TBX15: variants seen among roughly 807,000 people sequenced by gnomAD.
TBX15 encodes the protein T-box transcription factor TBX15.
In TBX15, 18 loss-of-function variants were observed where a neutral mutation model predicts 53.9. The observed-to-expected ratio is 0.33, with a 90% CI of 0.23 to 0.49. TBX15 has a LOEUF of 0.49. Ranked by LOEUF, TBX15 falls within the 20% of genes least tolerant of loss-of-function variation. TBX15 has a pLI of 0.98. For synonymous variants in TBX15, 295 were observed against 278.0 expected (o/e 1.06, Z -0.61); for missense variants, 692 against 749.5 (o/e 0.92, Z 0.90).
chr1:118,890,311 T>C (rs1487783521), intron 7 of TBX15, among the ~76,000 whole-genome samples: 2 of 152,164 alleles, frequency 1.3e-5, no homozygotes, highest in African/African-American at 4.8e-5. Flanking sequence ...CAAAGTGGGA[T>C]TGACAGAACA....
chr1:118,970,131 C>T (rs779103736), intron 1 of TBX15, among the ~76,000 whole-genome samples: 2 of 152,200 alleles, frequency 1.3e-5, no homozygotes, highest in African/African-American at 2.4e-5. Context: ...TGAGGCTTCC[C>T]CAGCCATGCC....
At chr1:118,925,299 C>T (rs72705338) in intron 3 of TBX15, among the ~76,000 whole-genome samples, 5,611 of 152,286 alleles carry the variant, frequency 0.037, 154 homozygotes, top group Middle Eastern at 0.058. Flanking sequence ...CTATAAAATG[C>T]AGCCATGTGC....
chr1:118,891,055 C>A, intron 7 of TBX15: 1 of 537,830 alleles, frequency 1.9e-6, no homozygotes, highest in South Asian at 2.5e-5. Flanking sequence ...ATGAGCACAG[C>A]ACTGTTCATC....
At chr1:118,893,262 GAAAGGAA>G (rs1571149384) in intron 7 of TBX15, among the ~76,000 whole-genome samples, 7 of 129,732 alleles carry the variant, frequency 5.4e-5, no homozygotes, top group East Asian at 4.5e-4. Context: ...AAGGAAGAAA[GAAAGGAA>G]GAAGGAAGGA....
intron 1 of TBX15, among the ~76,000 whole-genome samples, chr1:118,981,641 T>A (rs967132328): frequency 1.8e-4 from 28 of 152,242 alleles, no homozygotes; most frequent in Non-Finnish European, 8.8e-5. Flanking sequence ...TTAGTGGCAC[T>A]GAAGAAATGT....
chr1:118,941,066 G>T (rs780630044), intron 1 of TBX15, among the ~76,000 whole-genome samples: 2 of 152,082 alleles, frequency 1.3e-5, no homozygotes, highest in Non-Finnish European at 2.9e-5. Flanking sequence ...CATTTTTCCT[G>T]GGTGAAGCGA....
At chr1:118,955,492 G>A (rs1656658504) in intron 1 of TBX15, among the ~76,000 whole-genome samples, 1 of 152,066 alleles carries the variant, frequency 6.6e-6, no homozygotes, top group South Asian at 2.1e-4. Flanking sequence ...ATAATTCAGG[G>A]CCCTGCTCCC....
intron 1 of TBX15, among the ~76,000 whole-genome samples, chr1:118,951,141 C>A (rs1656498536): frequency 6.6e-6 from 1 of 152,186 alleles, no homozygotes; most frequent in African/African-American, 2.4e-5. Context: ...TCTTCAATGT[C>A]ATAAAATACC....
At position 118,911,080 on chromosome 1, in the gene TBX15, C is replaced by T. The variant is rs547212908; in HGVS notation, c.926+3035G>A. Among the ~76,000 whole-genome samples the T allele has an allele frequency of 7.2e-5, 11 of 152,282 alleles. No homozygotes were observed. The South Asian group carries it at 2.3e-3, about 32-fold the overall frequency. ...GAAGATAAAATAAGTCAAGTGTAAA[C>T]TGTTAGCATGATAAAGCACAAACCA... On this transcript the variant is annotated intron_variant, in intron 6 of 7. Transcript: ENST00000369429.
At chr1:118,913,553 A>G (rs1655093117) in intron 6 of TBX15, among the ~76,000 whole-genome samples, 1 of 152,214 alleles carries the variant, frequency 6.6e-6, no homozygotes, top group Non-Finnish European at 1.5e-5. Context: ...GAGATTCACT[A>G]TATAATAACC....
chr1:118,945,729 T>C (rs1656328524), intron 1 of TBX15, among the ~76,000 whole-genome samples: 1 of 152,196 alleles, frequency 6.6e-6, no homozygotes, highest in Non-Finnish European at 1.5e-5. Context: ...CTCTCTTTGT[T>C]CTGTAATAAA....
intron 2 of TBX15, 26 bp downstream of exon 2, chr1:118,931,593 G>A (rs1655781654): frequency 6.2e-7 from 1 of 1,610,592 alleles, no homozygotes; most frequent in Non-Finnish European, 8.5e-7. Flanking sequence ...CTTTGAATCT[G>A]GCCACTCAAA....
intron 7 of TBX15, among the ~76,000 whole-genome samples, chr1:118,894,784 C>A (rs1046757199): frequency 6.6e-6 from 1 of 152,024 alleles, no homozygotes; most frequent in Non-Finnish European, 1.5e-5. Context: ...TAAGGAACTT[C>A]GGGGACAAAA....
intron 1 of TBX15, among the ~76,000 whole-genome samples, chr1:118,984,596 G>A (rs1657759393): frequency 6.6e-6 from 1 of 152,230 alleles, no homozygotes; most frequent in Admixed American, 6.5e-5. Context: ...TCTGGGAGAG[G>A]GCGGGGGAGA....
chr1:118,899,741 G>T (rs1186091928), intron 6 of TBX15, among the ~76,000 whole-genome samples: 2 of 152,106 alleles, frequency 1.3e-5, no homozygotes, highest in Non-Finnish European at 2.9e-5. Context: ...AAAAATTATG[G>T]CTCAGGCAAA....
intron 1 of TBX15, among the ~76,000 whole-genome samples, chr1:118,941,815 C>T (rs1311431179): frequency 6.6e-6 from 1 of 152,106 alleles, no homozygotes; most frequent in Non-Finnish European, 1.5e-5. Flanking sequence ...CATGCTGGGG[C>T]TTAGGATCCA....
chr1:118,950,242 T>A (rs974199773), intron 1 of TBX15, among the ~76,000 whole-genome samples: 3 of 152,218 alleles, frequency 2.0e-5, no homozygotes, highest in Admixed American at 6.5e-5. Flanking sequence ...CATATGTGGC[T>A]TCTGGAGGAG....
At chr1:118,989,163 A>C (rs1223670214), upstream of TBX15, among the ~76,000 whole-genome samples, 1 of 152,212 alleles carries the variant, frequency 6.6e-6, no homozygotes, top group Non-Finnish European at 1.5e-5. Context: ...ACAGCTAGGA[A>C]CTTTAACAGA....
In TBX15 at chr1:118,886,178, G is replaced by A. The variant is rs989232122; in HGVS notation, c.1025-662C>T. On this transcript the variant is annotated intron_variant, in intron 7 of 7. Coordinates refer to ENST00000369429, the MANE Select transcript of TBX15 (RefSeq NM_001330677.2). ...ATAAGAGCTAGATTAGAATAAAGCAGGGCTAACCCAAAACAAAATCATTAT... is the reference window on the plus strand; with the variant it reads ...ATAAGAGCTAGATTAGAATAAAGCAAGGCTAACCCAAAACAAAATCATTAT... Among the ~76,000 whole-genome samples the A allele has an allele frequency of 3.9e-5, 6 of 152,142 alleles. No homozygotes were observed. In the East Asian group the frequency reaches 1.2e-3, roughly 29 times the overall value.
Sources: gnomAD v4.1 joint callset for allele counts (sites outside exome capture counted in the v4.1 genomes callset) on GRCh38, gnomAD v4.1.1 for gene constraint, MANE v1.5 for transcripts, NCBI Gene and HGNC (gene_info 2026-07-23, HGNC 2026-07-21) for gene names.